RNF213: variants seen among roughly 807,000 people sequenced by gnomAD.
The protein encoded by RNF213 is ring finger protein 213.
In RNF213, 341 loss-of-function variants were observed where a neutral mutation model predicts 514.4. The observed-to-expected ratio is 0.66, with a 90% CI of 0.61 to 0.73. The LOEUF is 0.73. Among genes scored for constraint, RNF213 ranks in the 30% least tolerant of loss-of-function variants. The pLI, the probability that RNF213 is intolerant of heterozygous loss-of-function variation, is 0.00. For missense variants in RNF213, 5,767 were observed against 6,615.6 expected, an observed-to-expected ratio of 0.87 and a Z score of 4.45; for synonymous variants, 2,655 against 2,658.2, an observed-to-expected ratio of 1.00 and a Z score of 0.04.
intron 31 of RNF213, 123 bp downstream of exon 31, chr17:80,350,519 C>A: frequency 1.4e-6 from 1 of 691,164 alleles, no homozygotes. Flanking sequence ...AATAACAATT[C>A]TTCCCCCGCC....
Position 80,340,014 on chromosome 17 carries a change from ACCCTGGGCT to A in RNF213, c.5655_5663del (p.Ser1886_Gly1888del). ...GGCACTGTTGCTGCGCCGCTGCCTG[ACCCTGGGCT>A]CCCTGGGGCACAAGGTCTACAGCCT... is the stretch of plus-strand genomic sequence containing the variant. On this transcript the variant is annotated inframe_deletion, in exon 26 of 68. Transcript: ENST00000582970. 1 of 1,541,510 alleles carries A rather than the reference ACCCTGGGCT, an allele frequency of 6.5e-7. No individual in the cohort carries two copies. The highest frequency in any genetic ancestry group is 8.7e-7 in the Non-Finnish European group (1 of 1,148,306).
rs13341393 is a variant in RNF213 at position 80,338,959 on chromosome 17, A to T, written c.4834-242A>T. ...CAAGACTCCATCTCAAAAAAAAATT[A>T]AAAAAAAAAAAAAATTAAAACAAAT... On this transcript the variant is annotated intron_variant, in intron 25 of 67. Coordinates refer to ENST00000582970, the MANE Select transcript of RNF213 (RefSeq NM_001256071.3). Among the ~76,000 whole-genome samples, 69 of 60,960 alleles carry T rather than the reference A, an allele frequency of 1.1e-3. 1 individual carries two copies. In the South Asian group the frequency reaches 0.012, roughly 10 times the overall value. 40.0% of individuals were successfully genotyped at this position (60,960 alleles called of 152,430 possible).
intron 42 of RNF213, 37 bp downstream of exon 42, chr17:80,364,590 C>A: frequency 2.5e-6 from 4 of 1,613,534 alleles, no homozygotes; most frequent in Non-Finnish European, 3.4e-6. Context: ...ATGCACGGAT[C>A]CACCCTTTTC....
Position 80,345,475 on chromosome 17 carries a change from C to G in RNF213, c.7140C>G (p.Thr2380=). 6.2e-7 allele frequency: 1 copy of G among 1,610,480 alleles called. No homozygotes were observed. The highest frequency in any genetic ancestry group is 1.1e-5 in the South Asian group (1 of 90,910). Residue 2380 remains threonine (T), a synonymous_variant, in exon 29 of 68, where the codon ACC becomes ACG. Coordinates refer to ENST00000582970, the MANE Select transcript of RNF213 (RefSeq NM_001256071.3). This position sits in a 1 kb window ranked among gnomAD's most constrained non-coding sequence, Gnocchi z 6.0. ...RHKKLERLCL[T]LGIPQATDPD... is the part of the protein sequence containing the mutation. Reference sequence around the variant, plus strand: ...AGAAACTTGAGAGGCTCTGCCTGACCTTAGGGATCCCCCAGGCCACCGACC... The same window carrying G: ...AGAAACTTGAGAGGCTCTGCCTGACGTTAGGGATCCCCCAGGCCACCGACC...
intron 2 of RNF213, among the ~76,000 whole-genome samples, chr17:80,266,230 C>G (rs551933924): frequency 6.6e-6 from 1 of 151,216 alleles, no homozygotes; most frequent in Admixed American, 6.6e-5. Flanking sequence ...TCGCTTGAGC[C>G]CAGGAGTTCG....
Position 80,339,727 on chromosome 17 carries a change from G to A in RNF213, c.5360G>A (p.Arg1787Lys). 1 of 1,537,186 alleles carries A rather than the reference G, an allele frequency of 6.5e-7. No individual in the cohort carries two copies. Among genetic ancestry groups the A allele is most frequent in the Non-Finnish European group, 8.7e-7 (1 of 1,146,882 alleles). ...KLRIIMEQSM[R>K]CLPAFLPDCL... ...AGGATCATCATGGAGCAGTCCATGA[G>A]GTGCCTTCCTGCCTTCCTGCCCGAC... Residue 1787 changes from arginine to lysine, a missense_variant, in exon 26 of 68, where the codon AGG becomes AAG. Transcript: ENST00000582970.
intron 41 of RNF213, 90 bp downstream of exon 41, chr17:80,363,880 G>A: frequency 1.5e-6 from 2 of 1,310,174 alleles, no homozygotes; most frequent in Non-Finnish European, 2.2e-6. Context: ...GAGAAGACGG[G>A]CAGGTGCTCC....
rs747543791 is a variant in RNF213 at position 80,375,856 on chromosome 17, C to T, written c.13171C>T (p.His4391Tyr). ...ILYRSHNASL[H>Y]PTPEQCEAVS... The stretch of plus-strand genomic sequence containing the variant: ...GTACAGATCCCACAATGCAAGCCTC[C>T]ACCCCACGCCAGAGGTGAGTAACCG... Residue 4391 changes from histidine (H) to tyrosine (Y), a missense_variant, in exon 51 of 68, where the codon CAC (histidine) becomes TAC (tyrosine). Transcript: ENST00000582970. The T allele has an allele frequency of 2.5e-6, 4 of 1,611,594 alleles. No individual in the cohort carries two copies. Among genetic ancestry groups the T allele is most frequent in the African/African-American group, 2.7e-5 (2 of 74,868 alleles).
Position 80,288,524 on chromosome 17 carries a change from C to T in RNF213, c.811-109C>T, listed in dbSNP as rs573395472. 2.5e-6 allele frequency: 4 copies of T among 1,608,206 alleles called. No homozygotes were observed. The highest frequency in any genetic ancestry group is 2.7e-5 in the African/African-American group (2 of 74,952). ...AGGGCTGCCCCTCCACTGGGGATGC[C>T]AGCCCACCCTGTCCCTCGGCTTGTG... On this transcript the variant is annotated intron_variant, in intron 4 of 67. Coordinates refer to ENST00000582970, the MANE Select transcript of RNF213 (RefSeq NM_001256071.3). The surrounding 1 kb of genome is among the most constrained non-coding windows in gnomAD (Gnocchi z 4.9).
intron 11 of RNF213, among the ~76,000 whole-genome samples, chr17:80,303,790 G>A (rs557554060): frequency 1.3e-5 from 2 of 151,582 alleles, no homozygotes; most frequent in East Asian, 3.9e-4. Flanking sequence ...GGCTGGTCTT[G>A]AACTCCTGGC....
intron 37 of RNF213, among the ~76,000 whole-genome samples, chr17:80,358,883 T>A (rs989907458): frequency 1.3e-5 from 2 of 152,092 alleles, no homozygotes; most frequent in African/African-American, 2.4e-5. Context: ...CACTCCAGCC[T>A]GGTGACAGAG....
chr17:80,348,053 C>T lies in RNF213; in HGVS notation c.9718C>T (p.Arg3240Trp), dbSNP rs753952938. Residue 3240 changes from arginine to tryptophan, a missense_variant, in exon 29 of 68, where the codon CGG (arginine) becomes TGG (tryptophan). This residue lies in a region of RNF213 where 919 missense variants were observed against 1,121.0 expected (regional missense o/e 0.82). Transcript: ENST00000582970. ...GCAGGTCATAGAGAGGCAGGGTCCC[C>T]GGGCCTTGACGGAGGAACTTCACCA... ...VLQVIERQGP[R>W]ALTEELHQKV... 32 of 1,614,020 alleles carry T rather than the reference C, an allele frequency of 2.0e-5. 1 individual carries two copies. The highest frequency in any genetic ancestry group is 5.5e-5 in the South Asian group (5 of 91,092).
Position 80,396,215 on chromosome 17 carries a change from T to C in RNF213, c.*2717T>C, listed in dbSNP as rs949231411. 2 of 152,124 alleles carry C rather than the reference T, an allele frequency of 1.3e-5. No homozygotes were observed. Among genetic ancestry groups the C allele is most frequent in the South Asian group, 2.1e-4 (1 of 4,828 alleles). The allele number at this position is 152,124 out of a possible 1,614,324, so 9.4% of individuals were successfully genotyped here. A position where few individuals can be genotyped will look rare whatever the true frequency, so the allele number is the denominator to read the frequency against. On this transcript the variant is annotated 3_prime_UTR_variant, in exon 68 of 68. Transcript: ENST00000582970. ...AGTTTGAGGCTGCAGTGAGCTATGA[T>C]TGCACCACTGCACTCCAACCTGGGT...
At position 80,319,329 on chromosome 17, in the gene RNF213, C is replaced by A; in HGVS notation, c.3024+17C>A. The A allele has an allele frequency of 6.2e-7, 1 of 1,614,234 alleles. No homozygotes were observed. The highest frequency in any genetic ancestry group is 8.5e-7 in the Non-Finnish European group (1 of 1,180,046). On this transcript the variant is annotated intron_variant, in intron 17 of 67. Transcript: ENST00000582970. ...GCCTGCCAGGTGAACAATCTCTCCT[C>A]CTGGGAAACGGATTCGGGCTCACAG...
At position 80,290,620 on chromosome 17, in the gene RNF213, C is replaced by T; in HGVS notation, c.1163C>T (p.Ser388Phe). The change falls in exon 7 of 68, where the codon TCT becomes TTT. Residue 388 changes from serine (S) to phenylalanine (F), a missense_variant. Ser to Phe is a radical substitution (Grantham distance 155, BLOSUM62 -2). Coordinates refer to ENST00000582970, the MANE Select transcript of RNF213 (RefSeq NM_001256071.3). ...ACCGTGTTCTTCCACGCCATCATCT[C>T]TCTTCATTTCCCATTCAATCCTGAC... is the stretch of plus-strand genomic sequence containing the variant. ...GVTVFFHAII[S>F]LHFPFNPDLH... 6.2e-7 allele frequency: 1 copy of T among 1,614,170 alleles called. No homozygotes were observed. The highest frequency in any genetic ancestry group is 1.7e-4 in the Middle Eastern group (1 of 6,056).
Position 80,395,238 on chromosome 17 carries a change from G to GC in RNF213, c.*1741dup, listed in dbSNP as rs1555683151. The GC allele has an allele frequency of 7.7e-6, 1 of 129,920 alleles. No individual in the cohort carries two copies. Among genetic ancestry groups the GC allele is most frequent in the Non-Finnish European group, 1.6e-5 (1 of 61,784 alleles). 8.0% of individuals were successfully genotyped at this position (129,920 alleles called of 1,614,324 possible). A position where few individuals can be genotyped will look rare whatever the true frequency, so the allele number is the denominator to read the frequency against. On this transcript the variant is annotated 3_prime_UTR_variant, in exon 68 of 68. Transcript: ENST00000582970. ...ACAGAAATATACTGGCCTAGCAGAG[G>GC]CAAAAAAAAAAAAAATGAATTTTAT...
At chr17:80,366,781 T>C (rs1480409004) in intron 42 of RNF213, among the ~76,000 whole-genome samples, 1 of 152,168 alleles carries the variant, frequency 6.6e-6, no homozygotes, top group Non-Finnish European at 1.5e-5. Flanking sequence ...TGGAAAGAAA[T>C]ACCCTTGTCA....
intron 2 of RNF213, among the ~76,000 whole-genome samples, chr17:80,268,224 A>G (rs1289601944): frequency 6.6e-6 from 1 of 151,834 alleles, no homozygotes; most frequent in African/African-American, 2.4e-5. Context: ...TATCTTGGCT[A>G]TTGTGAATCG....
rs1359190522 is a variant in RNF213 at position 80,317,582 on chromosome 17, T to G, written c.2901+305T>G. ...GATGCTGTGTTTACTTGGCCCGCCG[T>G]GCTCAACCCCTTGTGGGAGGGAGCA... is the stretch of plus-strand genomic sequence containing the variant. On this transcript the variant is annotated intron_variant, in intron 16 of 67. Transcript: ENST00000582970. This position sits in a 1 kb window ranked among gnomAD's most constrained non-coding sequence, Gnocchi z 4.1. 6.6e-6 allele frequency among the ~76,000 whole-genome samples: 1 copy of G among 152,186 alleles called. No homozygotes were observed. Among genetic ancestry groups the G allele is most frequent in the Admixed American group, 6.5e-5 (1 of 15,276 alleles).
Sources: gnomAD v4.1 joint callset for allele counts (sites outside exome capture counted in the v4.1 genomes callset) on GRCh38, gnomAD v4.1.1 for gene constraint, gnomAD v4.1.1 regional missense constraint, Gnocchi (gnomAD v3.1) non-coding constraint, MANE v1.5 for transcripts, NCBI Gene and HGNC (gene_info 2026-07-23, HGNC 2026-07-21) for gene names.